The following PCDHA1 variants were observed in gnomAD, a reference collection of about 807,000 sequenced individuals.
The protein encoded by PCDHA1 is protocadherin alpha 1.
In PCDHA1, 42 loss-of-function variants were observed where a neutral mutation model predicts 61.3. That is an observed-to-expected ratio of 0.69 (90% CI 0.54 to 0.89). The LOEUF is 0.89. Ranked by LOEUF, PCDHA1 falls within the 40% of genes least tolerant of loss-of-function variation. The probability of loss-of-function intolerance (pLI) is 0.00; values close to 1 mark genes in which losing one functional copy is unlikely to be tolerated. For synonymous variants in PCDHA1, 610 were observed against 553.8 expected (o/e 1.10, Z -1.43); for missense variants, 1,256 against 1,235.3 (o/e 1.02, Z -0.25).
At chr5:140,831,687 G>C (rs2150196814) in intron 1 of PCDHA1, among the ~76,000 whole-genome samples, 2 of 152,012 alleles carry the variant, frequency 1.3e-5, no homozygotes, top group African/African-American at 4.8e-5. Context: ...TGAATGAAAA[G>C]CAGCAAAAAG....
chr5:140,829,280 C>T, intron 1 of PCDHA1: 1 of 1,614,282 alleles, frequency 6.2e-7, no homozygotes, highest in Non-Finnish European at 8.5e-7. Flanking sequence ...CCCTTTCAAG[C>T]TGGTGTCCAC....
At chr5:141,001,280 G>T (rs1308036863) in intron 3 of PCDHA1, among the ~76,000 whole-genome samples, 2 of 152,162 alleles carry the variant, frequency 1.3e-5, no homozygotes, top group South Asian at 2.1e-4. Context: ...TTTTTTTACG[G>T]ATGAAAACTG....
At chr5:140,905,234 C>T (rs1303215169) in intron 1 of PCDHA1, among the ~76,000 whole-genome samples, 1 of 152,144 alleles carries the variant, frequency 6.6e-6, no homozygotes, top group African/African-American at 2.4e-5. Flanking sequence ...GATGAGGATC[C>T]AGTTTCATTC....
At chr5:140,882,071 ATGGTGTC>A in intron 1 of PCDHA1, 1 of 864,194 alleles carries the variant, frequency 1.2e-6, no homozygotes, top group Non-Finnish European at 1.7e-6. Context: ...GTTCATGCGC[ATGGTGTC>A]GCTCTTCACT....
intron 1 of PCDHA1, chr5:140,801,353 G>A: frequency 6.2e-7 from 1 of 1,613,426 alleles, no homozygotes; most frequent in Non-Finnish European, 8.5e-7. Flanking sequence ...CGCAGGACCT[G>A]GGGCTGGAGC....
intron 1 of PCDHA1, chr5:140,841,538 G>C (rs1488596274): frequency 9.3e-6 from 15 of 1,613,608 alleles, no homozygotes; most frequent in Admixed American, 1.7e-5. Context: ...AAGACACCGG[G>C]ACCTTCTGGA....
At chr5:140,920,960 A>C (rs1554200006) in intron 1 of PCDHA1, among the ~76,000 whole-genome samples, 1 of 151,930 alleles carries the variant, frequency 6.6e-6, no homozygotes, top group Admixed American at 6.6e-5. Flanking sequence ...CTACACATGT[A>C]GTACTAGAGT....
intron 1 of PCDHA1, chr5:140,851,988 A>G: frequency 1.0e-6 from 1 of 975,740 alleles, no homozygotes. Flanking sequence ...AGTGCAAGCT[A>G]TTTGTTTGTT....
At chr5:140,967,710 G>A (rs868978149) in intron 1 of PCDHA1, 1 of 1,614,182 alleles carries the variant, frequency 6.2e-7, no homozygotes, top group Non-Finnish European at 8.5e-7. Flanking sequence ...GCCAGTACCG[G>A]GGAAGTGCGA....
At chr5:140,870,496 G>A in intron 1 of PCDHA1, 1 of 1,614,234 alleles carries the variant, frequency 6.2e-7, no homozygotes, top group Non-Finnish European at 8.5e-7. Flanking sequence ...GTTCGTGAAG[G>A]AGAACAACCC....
chr5:141,000,192 T>C lies in PCDHA1; in HGVS notation c.2543-9435T>C, dbSNP rs112948047. 6.4e-3 allele frequency among the ~76,000 whole-genome samples: 968 copies of C among 151,888 alleles called. 13 individuals carry two copies. Among genetic ancestry groups the C allele is most frequent in the African/African-American group, 0.023 (941 of 41,384 alleles). ...TTGAGCCAAGGAGTCAATGTGAGAA[T>C]AGTTTTTCACCTTCATTATCAAATG... On this transcript the variant is annotated intron_variant, in intron 3 of 3. Coordinates refer to ENST00000504120, the MANE Select transcript of PCDHA1 (RefSeq NM_018900.4).
At chr5:140,847,164 T>C (rs1780885642) in intron 1 of PCDHA1, among the ~76,000 whole-genome samples, 1 of 149,534 alleles carries the variant, frequency 6.7e-6, no homozygotes, top group Non-Finnish European at 1.5e-5. Flanking sequence ...TTCTGAGTAA[T>C]AAACTAAAGG....
intron 1 of PCDHA1, among the ~76,000 whole-genome samples, chr5:140,923,207 A>G (rs2081229144): frequency 6.6e-6 from 1 of 152,144 alleles, no homozygotes. Flanking sequence ...TGGGAGGCTA[A>G]GGTGAAAGGA....
intron 1 of PCDHA1, among the ~76,000 whole-genome samples, chr5:140,821,011 G>A (rs1766878568): frequency 6.6e-6 from 1 of 151,840 alleles, no homozygotes. Context: ...GGTTTTCATC[G>A]ATTTGAAAAT....
intron 1 of PCDHA1, chr5:140,875,349 C>G: frequency 6.9e-7 from 1 of 1,444,894 alleles, no homozygotes; most frequent in Non-Finnish European, 9.1e-7. Flanking sequence ...TCCATAATGA[C>G]TGTGATGCTG....
chr5:140,944,316 T>G (rs140163712), intron 1 of PCDHA1, among the ~76,000 whole-genome samples: 1 of 151,958 alleles, frequency 6.6e-6, no homozygotes, highest in Non-Finnish European at 1.5e-5. Context: ...GCCTCCTGAG[T>G]AGCTGGGATT....
At chr5:140,946,872 T>C (rs983892070) in intron 1 of PCDHA1, among the ~76,000 whole-genome samples, 7 of 151,402 alleles carry the variant, frequency 4.6e-5, no homozygotes, top group Admixed American at 1.3e-4. Flanking sequence ...GGTTGGTCAA[T>C]GGGTACGAAG....
intron 1 of PCDHA1, among the ~76,000 whole-genome samples, chr5:140,922,677 G>C (rs545719033): frequency 6.6e-6 from 1 of 152,306 alleles, no homozygotes; most frequent in Admixed American, 6.5e-5. Flanking sequence ...CAGTAAAAAA[G>C]TGAACAGGCT....
rs2150316766 is a variant in PCDHA1 at position 140,841,503 on chromosome 5, C to A, written c.2394+52819C>A. 418 of 1,613,290 alleles carry A rather than the reference C, an allele frequency of 2.6e-4. 3 individuals are homozygous for A. In the East Asian group the frequency reaches 7.1e-3, roughly 27 times the overall value. On this transcript the variant is annotated intron_variant, in intron 1 of 3. Transcript: ENST00000504120. ...GGGCTGGAGCTGGCGGAGCTGGTGC[C>A]GCGCCTGTTCCGGGTGGCGTCCAAA...
Sources: allele counts gnomAD v4.1 joint callset (sites outside exome capture counted in the v4.1 genomes callset), GRCh38; gene constraint gnomAD v4.1.1; transcripts MANE v1.5; gene names NCBI Gene and HGNC (gene_info 2026-07-23, HGNC 2026-07-21).